Variants in PCSK6 observed in about 807,000 individuals in gnomAD.
PCSK6 encodes paired basic amino acid cleaving enzyme 4.
In PCSK6, 85 loss-of-function variants were observed where a neutral mutation model predicts 123.3. The ratio of observed to expected loss-of-function variants is 0.69; its 90% confidence interval spans 0.58 to 0.83. The LOEUF (loss-of-function observed/expected upper bound fraction) is 0.83. Among genes scored for constraint, PCSK6 ranks in the 40% least tolerant of loss-of-function variants. PCSK6 has a pLI of 0.00. For synonymous variants in PCSK6, 508 were observed against 516.0 expected, an observed-to-expected ratio of 0.98 and a Z score of 0.21; for missense variants, 1,191 against 1,282.3, an observed-to-expected ratio of 0.93 and a Z score of 1.09.
intron 6 of PCSK6, among the ~76,000 whole-genome samples, chr15:101,419,298 T>C (rs1596314226): frequency 6.6e-6 from 1 of 151,710 alleles, no homozygotes; most frequent in African/African-American, 2.4e-5. Context: ...CCTATATCCG[T>C]TTCAATAATG....
At chr15:101,461,213 A>C (rs1421249384) in intron 1 of PCSK6, among the ~76,000 whole-genome samples, 2 of 152,230 alleles carry the variant, frequency 1.3e-5, no homozygotes, top group East Asian at 3.8e-4. Context: ...GTTTAAAAAC[A>C]ATAAGGAAAC....
At chr15:101,379,509 AG>A (rs1184998634) in intron 11 of PCSK6, among the ~76,000 whole-genome samples, 1 of 152,158 alleles carries the variant, frequency 6.6e-6, no homozygotes, top group Non-Finnish European at 1.5e-5. Flanking sequence ...TGCACACGAG[AG>A]GGGTGTATAA....
intron 1 of PCSK6, among the ~76,000 whole-genome samples, chr15:101,452,137 C>A (rs778361848): frequency 1.8e-4 from 28 of 152,208 alleles, no homozygotes; most frequent in Non-Finnish European, 3.5e-4. Flanking sequence ...ACATATCCAC[C>A]CAAACTATGC....
At position 101,370,440 on chromosome 15, in the gene PCSK6, A is replaced by G; in HGVS notation, c.1616T>C (p.Leu539Ser). The G allele has an allele frequency of 1.3e-6, 2 of 1,551,844 alleles. No individual in the cohort carries two copies. Among genetic ancestry groups the G allele is most frequent in the Admixed American group, 2.0e-5 (1 of 51,012 alleles). ...GGAGGTGCGAACCACCACGTGCTCC[A>G]AGTAGACCACCCGCTGGTCCGAGTG... ...AEHSDQRVVY[L>S]EHVVVRTSIS... Residue 539 changes from leucine (L) to serine (S), a missense_variant, in exon 12 of 22, where the codon TTG becomes TCG. Leu to Ser is a moderately radical substitution (Grantham distance 145). Transcript: ENST00000611716.
chr15:101,305,168 C>A lies in PCSK6; in HGVS notation c.*90G>T. The stretch of plus-strand genomic sequence containing the variant: ...TAAAGCTGTCAGGTGCAGGGCGCCG[C>A]TCCTGAAACAGACTCTGGCCGACAG... On this transcript the variant is annotated 3_prime_UTR_variant, in exon 22 of 22. Coordinates refer to ENST00000611716, the MANE Select transcript of PCSK6 (RefSeq NM_002570.5). This position sits in a 1 kb window ranked among gnomAD's most constrained non-coding sequence, Gnocchi z 4.8. The A allele has an allele frequency of 1.8e-6, 2 of 1,112,994 alleles. No homozygotes were observed. The highest frequency in any genetic ancestry group is 2.7e-5 in the South Asian group (2 of 75,154). The allele number at this position is 1,112,994 out of a possible 1,614,324, so 68.9% of individuals were successfully genotyped here. A position where few individuals can be genotyped will look rare whatever the true frequency, so the allele number is the denominator to read the frequency against.
chr15:101,332,731 G>T (rs2040397237), intron 13 of PCSK6, among the ~76,000 whole-genome samples: 1 of 152,228 alleles, frequency 6.6e-6, no homozygotes, highest in Non-Finnish European at 1.5e-5. Flanking sequence ...ACACAGGAAA[G>T]ACAGTGCTGA....
Position 101,305,394 on chromosome 15 carries a change from T to A in PCSK6, c.2813-39A>T. 6.5e-7 allele frequency: 1 copy of A among 1,549,590 alleles called. No homozygotes were observed. The highest frequency in any genetic ancestry group is 8.8e-7 in the Non-Finnish European group (1 of 1,132,734). On this transcript the variant is annotated intron_variant, in intron 21 of 21. Transcript: ENST00000611716. This position sits in a 1 kb window ranked among gnomAD's most constrained non-coding sequence, Gnocchi z 4.8. ...TCAGGAAAGGCAAAAGAGGGAAAGG[T>A]CAGTCTTCGGTGCCTGTGAAGATTG...
At chr15:101,426,757 ACCAAGG>A (rs1567212352) in intron 6 of PCSK6, among the ~76,000 whole-genome samples, 3 of 111,190 alleles carry the variant, frequency 2.7e-5, no homozygotes, top group Non-Finnish European at 4.3e-5. Flanking sequence ...AGCCACCCTC[ACCAAGG>A]CTCGGTGGCA....
intron 12 of PCSK6, among the ~76,000 whole-genome samples, chr15:101,367,119 T>G (rs1437793227): frequency 2.0e-5 from 3 of 152,122 alleles, no homozygotes; most frequent in African/African-American, 7.2e-5. Flanking sequence ...CCTTTACCCT[T>G]CCCAACTCGA....
chr15:101,343,652 A>G (rs1157599250), intron 13 of PCSK6, among the ~76,000 whole-genome samples: 1 of 152,188 alleles, frequency 6.6e-6, no homozygotes, highest in Non-Finnish European at 1.5e-5. Context: ...AAACTTTCTA[A>G]TTATCTTTTT....
rs3784520 is a variant in PCSK6 at position 101,306,544 on chromosome 15, A to G, written c.2812+669T>C. Reference sequence around the variant, plus strand: ...GCTCCACCCTGCTGCTTGCTGGGCCAGAGCCCCCTTCCCTGCCCGTGTGTC... The same window carrying G: ...GCTCCACCCTGCTGCTTGCTGGGCCGGAGCCCCCTTCCCTGCCCGTGTGTC... On this transcript the variant is annotated intron_variant, in intron 21 of 21. Transcript: ENST00000611716. 7.8e-3 allele frequency among the ~76,000 whole-genome samples: 1,189 copies of G among 152,270 alleles called. 47 individuals are homozygous for G. The East Asian group carries it at 0.1, about 13-fold the overall frequency.
intron 2 of PCSK6, among the ~76,000 whole-genome samples, chr15:101,433,306 C>A (rs951421295): frequency 5.3e-5 from 8 of 152,204 alleles, no homozygotes; most frequent in Non-Finnish European, 8.8e-5. Flanking sequence ...CTTATCATCC[C>A]GTGTACACAT....
intron 7 of PCSK6, among the ~76,000 whole-genome samples, chr15:101,395,042 G>A (rs3784480): frequency 0.014 from 2,056 of 152,270 alleles, 19 homozygotes; most frequent in East Asian, 0.043. Context: ...AGCTGAAGCC[G>A]GTTTAAAGCA....
chr15:101,363,440 C>T (rs769741444), intron 13 of PCSK6, among the ~76,000 whole-genome samples: 1 of 152,222 alleles, frequency 6.6e-6, no homozygotes, highest in Non-Finnish European at 1.5e-5. Flanking sequence ...CATGAGAACT[C>T]TGCCTTGTGC....
chr15:101,351,908 T>A (rs1041865590), intron 13 of PCSK6, among the ~76,000 whole-genome samples: 1 of 152,162 alleles, frequency 6.6e-6, no homozygotes, highest in Non-Finnish European at 1.5e-5. Flanking sequence ...CCGCCTATTT[T>A]ATAAAGTGAG....
intron 2 of PCSK6, among the ~76,000 whole-genome samples, chr15:101,441,068 C>T (rs1403732037): frequency 6.6e-6 from 1 of 152,156 alleles, no homozygotes; most frequent in Admixed American, 6.5e-5. Context: ...ACCTTTCTTC[C>T]TTTCTTCTTT....
chr15:101,398,688 A>T lies in PCSK6; in HGVS notation c.824-112T>A. ...ACACCGCATCACAGAGTCCCTCCCC[A>T]GCAGGGGCTGTTCCCAGTCATTCTG... is the stretch of plus-strand genomic sequence containing the variant. On this transcript the variant is annotated intron_variant, in intron 6 of 21. Transcript: ENST00000611716. This position sits in a 1 kb window ranked among gnomAD's most constrained non-coding sequence, Gnocchi z 4.6. The T allele has an allele frequency of 1.7e-6, 2 of 1,162,986 alleles. No homozygotes were observed. Among genetic ancestry groups the T allele is most frequent in the Non-Finnish European group, 2.4e-6 (2 of 836,780 alleles). 72.0% of individuals were successfully genotyped at this position (1,162,986 alleles called of 1,614,324 possible). A position where few individuals can be genotyped will look rare whatever the true frequency, so the allele number is the denominator to read the frequency against.
At chr15:101,370,624 C>A (rs1464959002) in intron 11 of PCSK6, 101 bp from the exon 12 acceptor site, 26 of 1,128,074 alleles carry the variant, frequency 2.3e-5, no homozygotes, top group Non-Finnish European at 2.8e-5. Context: ...CCCACTGCAG[C>A]CTCAGGGCCC....
In PCSK6 at chr15:101,489,624, C is replaced by T. The variant is rs1485712589; in HGVS notation, c.47G>A (p.Arg16Gln). 3 of 974,316 alleles carry T rather than the reference C, an allele frequency of 3.1e-6. No homozygotes were observed. In the African/African-American group the frequency reaches 5.4e-5, roughly 17 times the overall value. 60.4% of individuals were successfully genotyped at this position (974,316 alleles called of 1,614,324 possible). A position where few individuals can be genotyped will look rare whatever the true frequency, so the allele number is the denominator to read the frequency against. ...GGCGGTGTCGGTGGCGGCGGCGGCC[C>T]GGGGCGGCGGCCGGGGCCCGGGCGC... ...PPAPGPRPPPRAAAATDTAAG... is the reference protein window; with the variant it reads ...PPAPGPRPPPQAAAATDTAAG... The change falls in exon 1 of 22, where the codon CGG becomes CAG. Residue 16 changes from arginine to glutamine, a missense_variant. By Grantham distance (43) the Arg-to-Gln change is conservative. This residue lies in a region of PCSK6 where 204 missense variants were observed against 166.4 expected (regional missense o/e 1.23). Coordinates refer to ENST00000611716, the MANE Select transcript of PCSK6 (RefSeq NM_002570.5).
Sources: allele counts gnomAD v4.1 joint callset (sites outside exome capture counted in the v4.1 genomes callset), GRCh38; gene constraint gnomAD v4.1.1; regional missense constraint gnomAD v4.1.1; non-coding constraint Gnocchi (gnomAD v3.1); transcripts MANE v1.5; gene names NCBI Gene and HGNC (gene_info 2026-07-23, HGNC 2026-07-21).